Variants in DNAH9 observed in about 807,000 individuals in gnomAD.
DNAH9 encodes DNAH9 variant protein.
Under a neutral mutation model 471.6 loss-of-function variants are expected in DNAH9, and 345 were observed. The ratio of observed to expected loss-of-function variants is 0.73; its 90% CI spans 0.67 to 0.80. The LOEUF (loss-of-function observed/expected upper bound fraction) is 0.80. Ranked by LOEUF, DNAH9 falls within the 30% of genes least tolerant of loss-of-function variation. The probability of loss-of-function intolerance (pLI) is 0.00; values close to 1 mark genes in which losing one functional copy is unlikely to be tolerated. For synonymous variants in DNAH9, 2,093 were observed against 2,123.6 expected (o/e 0.99, Z 0.40); for missense variants, 5,407 against 5,609.2 (o/e 0.96, Z 1.15).
At chr17:11,948,418 TGA>T (rs937700629) in intron 67 of DNAH9, among the ~76,000 whole-genome samples, 1 of 151,440 alleles carries the variant, frequency 6.6e-6, no homozygotes, top group Non-Finnish European at 1.5e-5. Flanking sequence ...TTACTAGAGA[TGA>T]GGTTTCACCG....
intron 38 of DNAH9, among the ~76,000 whole-genome samples, chr17:11,773,997 G>A (rs975251535): frequency 5.9e-5 from 9 of 152,022 alleles, no homozygotes; most frequent in Non-Finnish European, 7.4e-5. Flanking sequence ...TTAGCCAGGC[G>A]TGGTGGTGCG....
In DNAH9 at chr17:11,932,212, G is replaced by C; in HGVS notation, c.12297+7G>C. 6.2e-7 allele frequency: 1 copy of C among 1,611,232 alleles called. No individual in the cohort carries two copies. ...CCTGGAGGCCAACGCAAAGGTAAAG[G>C]CCATGGACATTCAGGGACCAGCCAG... On this transcript the variant is annotated splice_region_variant and intron_variant, in intron 64 of 68. Coordinates refer to ENST00000262442, the MANE Select transcript of DNAH9 (RefSeq NM_001372.4). This position sits in a 1 kb window ranked among gnomAD's most constrained non-coding sequence, Gnocchi z 4.3.
chr17:11,691,937 G>T (rs1233206188), intron 20 of DNAH9, among the ~76,000 whole-genome samples: 1 of 152,124 alleles, frequency 6.6e-6, no homozygotes, highest in African/African-American at 2.4e-5. Flanking sequence ...CTGAGTAGCT[G>T]GGATTACAGA....
At chr17:11,759,142 A>G (rs544562042) in intron 35 of DNAH9, among the ~76,000 whole-genome samples, 22 of 138,372 alleles carry the variant, frequency 1.6e-4, no homozygotes, top group African/African-American at 5.6e-4. Context: ...TTATTTGTAT[A>G]GATTTAGGGA....
chr17:11,940,902 G>A (rs1974883515), intron 66 of DNAH9, among the ~76,000 whole-genome samples: 1 of 152,126 alleles, frequency 6.6e-6, no homozygotes, highest in Admixed American at 6.6e-5. Flanking sequence ...AGGCCTCCTT[G>A]GCTGCAAGCT....
At chr17:11,603,552 C>T (rs556009568) in intron 1 of DNAH9, among the ~76,000 whole-genome samples, 1 of 152,260 alleles carries the variant, frequency 6.6e-6, no homozygotes, top group African/African-American at 2.4e-5. Context: ...TGCTCTGAAT[C>T]CCACACATTC....
chr17:11,778,378 AAAAG>A (rs1228785219), intron 38 of DNAH9, among the ~76,000 whole-genome samples: 1 of 151,272 alleles, frequency 6.6e-6, no homozygotes, highest in East Asian at 1.9e-4. Context: ...GGGAAGAAAA[AAAAG>A]AGAAACGGGG....
chr17:11,919,623 C>T (rs1310324691), intron 61 of DNAH9, among the ~76,000 whole-genome samples: 2 of 151,770 alleles, frequency 1.3e-5, no homozygotes, highest in Non-Finnish European at 2.9e-5. Flanking sequence ...TTGAGAATCA[C>T]AAGCTGGTGA....
At chr17:11,800,941 A>G (rs1411066954) in intron 43 of DNAH9, among the ~76,000 whole-genome samples, 1 of 152,216 alleles carries the variant, frequency 6.6e-6, no homozygotes, top group Non-Finnish European at 1.5e-5. Flanking sequence ...GAAGGGGAGT[A>G]GAGAGGACTG....
chr17:11,609,176 G>A (rs1651979797), intron 2 of DNAH9, among the ~76,000 whole-genome samples: 1 of 152,100 alleles, frequency 6.6e-6, no homozygotes, highest in Non-Finnish European at 1.5e-5. Context: ...GATTTGATCC[G>A]AAGAATAAGT....
intron 26 of DNAH9, among the ~76,000 whole-genome samples, chr17:11,716,082 CTTTTTT>C (rs61643065): frequency 0.13 from 17,523 of 132,378 alleles, 1,305 homozygotes; most frequent in Middle Eastern, 0.19. Flanking sequence ...TTTTCTTTCT[CTTTTTT>C]TTTTTTTTTT....
chr17:11,716,639 A>G (rs78949396), intron 26 of DNAH9, among the ~76,000 whole-genome samples: 4,307 of 152,214 alleles, frequency 0.028, 147 homozygotes, highest in South Asian at 0.11. Flanking sequence ...CCATGTATTT[A>G]TTTTCAGGAA....
chr17:11,901,835 G>A (rs908366650), intron 59 of DNAH9, among the ~76,000 whole-genome samples: 2 of 152,216 alleles, frequency 1.3e-5, no homozygotes, highest in East Asian at 1.9e-4. Context: ...GTCCTAGGCC[G>A]CATGCAGCCC....
In DNAH9 at chr17:11,886,965, G is replaced by C; in HGVS notation, c.11112G>C (p.Lys3704Asn). The C allele has an allele frequency of 6.2e-7, 1 of 1,608,426 alleles. No individual in the cohort carries two copies. Among genetic ancestry groups the C allele is most frequent in the Non-Finnish European group, 8.5e-7 (1 of 1,177,504 alleles). Residue 3704 changes from lysine (K) to asparagine (N), a missense_variant and splice_region_variant, in exon 57 of 69, where the codon AAG becomes AAC. Physicochemically the swap from Lys to Asn is moderately conservative, Grantham distance 94 (BLOSUM62 0). Around this residue, in one of 3 missense-constraint regions of DNAH9, gnomAD observed 4,636 missense variants for 4,900.3 expected, o/e 0.95. Transcript: ENST00000262442. ...KIHPMYQFSL[K>N]AFSIVFQKAV... ...ATCCAATGTACCAGTTTTCTCTCAA[G>C]GTGACTTACACCTGGAGTTTCTTGC...
intron 39 of DNAH9, among the ~76,000 whole-genome samples, chr17:11,783,349 T>C (rs1968738583): frequency 6.6e-6 from 1 of 152,186 alleles, no homozygotes; most frequent in Non-Finnish European, 1.5e-5. Flanking sequence ...GGTTGACCAC[T>C]CTCTTCTTTT....
chr17:11,902,624 T>C (rs1973449447), intron 59 of DNAH9, 95 bp from the exon 60 acceptor site: 1 of 1,110,538 alleles, frequency 9.0e-7, no homozygotes, highest in African/African-American at 1.6e-5. Flanking sequence ...GACAGAATTG[T>C]GTAGATAAGA....
intron 22 of DNAH9, among the ~76,000 whole-genome samples, chr17:11,694,906 TTCAGATG>T (rs200029627): frequency 1.0e-5 from 1 of 96,806 alleles, no homozygotes; most frequent in African/African-American, 4.2e-5. Context: ...CTTTCTTTCT[TTCAGATG>T]GATTCTTGCT....
chr17:11,642,832 T>C (rs934517707), intron 10 of DNAH9, among the ~76,000 whole-genome samples: 2 of 152,192 alleles, frequency 1.3e-5, no homozygotes, highest in Admixed American at 6.5e-5. Flanking sequence ...CTGGAGCATA[T>C]TCTACCTCTC....
intron 1 of DNAH9, among the ~76,000 whole-genome samples, chr17:11,601,053 G>C (rs2072375391): frequency 6.6e-6 from 1 of 152,174 alleles, no homozygotes; most frequent in Non-Finnish European, 1.5e-5. Context: ...TGCAGTATTT[G>C]TTCCTTCTGA....
Sources: allele counts gnomAD v4.1 joint callset (sites outside exome capture counted in the v4.1 genomes callset), GRCh38; gene constraint gnomAD v4.1.1; regional missense constraint gnomAD v4.1.1; non-coding constraint Gnocchi (gnomAD v3.1); transcripts MANE v1.5; gene names NCBI Gene and HGNC (gene_info 2026-07-23, HGNC 2026-07-21).